The following DPP6 variants were observed in gnomAD, a reference collection of about 807,000 sequenced individuals.
DPP6 encodes the protein dipeptidyl peptidase like 6.
DPP6 carries 69 observed loss-of-function variants against 122.6 expected under a neutral mutation model. The ratio of observed to expected loss-of-function variants is 0.56; its 90% CI spans 0.46 to 0.69. The LOEUF is 0.69. Ranked by LOEUF, DPP6 falls within the 30% of genes least tolerant of loss-of-function variation. The probability of loss-of-function intolerance (pLI) is 0.00; values close to 1 mark genes in which losing one functional copy is unlikely to be tolerated. For synonymous variants in DPP6, 418 were observed against 433.1 expected, an observed-to-expected ratio of 0.97 and a Z score of 0.43; for missense variants, 928 against 1,116.9, an observed-to-expected ratio of 0.83 and a Z score of 2.41.
intron 1 of DPP6, among the ~76,000 whole-genome samples, chr7:154,097,335 T>C (rs1208714114): frequency 6.6e-6 from 1 of 152,236 alleles, no homozygotes; most frequent in Non-Finnish European, 1.5e-5. Context: ...GCAGCAGCAA[T>C]GATCGCTTAT....
intron 1 of DPP6, among the ~76,000 whole-genome samples, chr7:154,359,271 T>A (rs1563541391): frequency 6.6e-6 from 1 of 152,178 alleles, no homozygotes; most frequent in Non-Finnish European, 1.5e-5. Flanking sequence ...GGCATTCATT[T>A]AGTTAGTATT....
intron 12 of DPP6, among the ~76,000 whole-genome samples, chr7:154,798,506 T>G (rs1563222189): frequency 6.6e-6 from 1 of 152,266 alleles, no homozygotes; most frequent in Non-Finnish European, 1.5e-5. Context: ...CACAGCTAAA[T>G]TTTTAAAATA....
In DPP6 at chr7:154,892,397, A is replaced by G; in HGVS notation, c.2515A>G (p.Ile839Val). The change falls in exon 26 of 26, where the codon ATC becomes GTC. Residue 839 changes from isoleucine (I) to valine (V), a missense_variant. Ile to Val is a conservative substitution (Grantham distance 29, BLOSUM62 3). Coordinates refer to ENST00000377770, the MANE Select transcript of DPP6 (RefSeq NM_130797.4). ...CCTCAAACAGCATCTGTACCGGTCC[A>G]TCATCAACTTCTTCGTGGAATGCTT... ...SSLKQHLYRSIINFFVECFRI... is the reference protein window; with the variant it reads ...SSLKQHLYRSVINFFVECFRI... The G allele has an allele frequency of 6.2e-7, 1 of 1,614,036 alleles. No homozygotes were observed. Among genetic ancestry groups the G allele is most frequent in the Non-Finnish European group, 8.5e-7 (1 of 1,179,900 alleles).
At chr7:153,829,162 A>G in the DPP6 span, among the ~76,000 whole-genome samples, 1 of 152,148 alleles carries the variant, frequency 6.6e-6, no homozygotes, top group Admixed American at 6.5e-5. Flanking sequence ...AAAACACTCA[A>G]AGTCTTTCCT....
intron 1 of DPP6, among the ~76,000 whole-genome samples, chr7:154,300,788 G>A (rs1301630152): frequency 6.6e-6 from 1 of 152,192 alleles, no homozygotes; most frequent in Admixed American, 6.5e-5. Context: ...CCTCATAAAT[G>A]AAATGGGGAT....
the DPP6 span, among the ~76,000 whole-genome samples, chr7:153,848,160 C>A: frequency 6.6e-6 from 1 of 152,124 alleles, no homozygotes; most frequent in East Asian, 1.9e-4. Flanking sequence ...GACAAGCTAG[C>A]GCTGAGGGCA....
rs372842502 is a variant in DPP6 at position 154,080,587 on chromosome 7, A to G, written c.243+27524A>G. On this transcript the variant is annotated intron_variant, in intron 1 of 25. Transcript: ENST00000377770. ...ACATATGCTTTTCCCTATGGTAGAT[A>G]AGCCTTGGGTCTGGGAGTAAGAGTG... Among the ~76,000 whole-genome samples the G allele has an allele frequency of 1.1e-4, 17 of 152,292 alleles. No individual in the cohort carries two copies. The South Asian group carries it at 3.3e-3, about 30-fold the overall frequency.
At chr7:153,967,487 C>G (rs1422753020) in intron 1 of DPP6, among the ~76,000 whole-genome samples, 1 of 152,160 alleles carries the variant, frequency 6.6e-6, no homozygotes, top group Non-Finnish European at 1.5e-5. Context: ...AATTACCAAG[C>G]CTGCCTTGTA....
intron 1 of DPP6, among the ~76,000 whole-genome samples, chr7:153,962,304 T>C (rs1795393140): frequency 6.6e-6 from 1 of 152,214 alleles, no homozygotes; most frequent in Admixed American, 6.5e-5. Context: ...TATTTGATAC[T>C]GTCTGCAGAA....
At chr7:154,729,670 A>G (rs749156556) in intron 8 of DPP6, among the ~76,000 whole-genome samples, 1 of 152,188 alleles carries the variant, frequency 6.6e-6, no homozygotes, top group Non-Finnish European at 1.5e-5. Context: ...TAAGCAGCCC[A>G]TTCTCTAACA....
chr7:154,182,550 CAT>C (rs1312699290), intron 1 of DPP6, among the ~76,000 whole-genome samples: 1 of 152,184 alleles, frequency 6.6e-6, no homozygotes, highest in Non-Finnish European at 1.5e-5. Context: ...GATAATGTAA[CAT>C]GTGCCCGGGG....
At chr7:154,260,673 A>G (rs566899802) in intron 1 of DPP6, among the ~76,000 whole-genome samples, 187 of 147,634 alleles carry the variant, frequency 1.3e-3, no homozygotes, top group African/African-American at 4.4e-3. Flanking sequence ...TCGTATATAT[A>G]TATAATACAT....
At chr7:153,983,644 G>C (rs374675885) in intron 1 of DPP6, among the ~76,000 whole-genome samples, 36 of 151,726 alleles carry the variant, frequency 2.4e-4, no homozygotes, top group African/African-American at 8.4e-4. Flanking sequence ...TGGCCACCCA[G>C]TTTTGTGCTT....
At chr7:154,347,162 A>C (rs1297701705) in intron 1 of DPP6, among the ~76,000 whole-genome samples, 2 of 152,242 alleles carry the variant, frequency 1.3e-5, no homozygotes, top group Non-Finnish European at 2.9e-5. Flanking sequence ...TGTAACGTAC[A>C]GGAGACCTGT....
At chr7:154,574,779 A>ATG (rs1313130628) in intron 5 of DPP6, among the ~76,000 whole-genome samples, 7,708 of 81,316 alleles carry the variant, frequency 0.095, 283 homozygotes, top group East Asian at 0.28. Context: ...TGTGGTGCAT[A>ATG]TGTGTGTGTG....
chr7:154,476,217 G>A (rs990067656), intron 3 of DPP6, among the ~76,000 whole-genome samples: 3 of 152,152 alleles, frequency 2.0e-5, no homozygotes, highest in African/African-American at 7.2e-5. Context: ...AAAGTAGGTG[G>A]ATCTCAGAGG....
chr7:153,837,533 C>T, the DPP6 span, among the ~76,000 whole-genome samples: 1 of 152,166 alleles, frequency 6.6e-6, no homozygotes, highest in Admixed American at 6.5e-5. Flanking sequence ...GCTACCTTTC[C>T]AGGAAACCTG....
chr7:154,684,273 T>C (rs940996258), intron 7 of DPP6, among the ~76,000 whole-genome samples: 1 of 152,024 alleles, frequency 6.6e-6, no homozygotes, highest in Admixed American at 6.6e-5. Flanking sequence ...CATTGCCTTA[T>C]CACCACACTC....
rs1441091213 is a variant in DPP6 at position 154,029,976 on chromosome 7, A to G, written c.51+142242A>G. ...TTTGGGAAGCTGAGGGGGGCAGATC[A>G]CTTGAGGCCAGGTGTTTGAAACCAG... On this transcript the variant is annotated intron_variant, in intron 1 of 25. Transcript: ENST00000404039. Among the ~76,000 whole-genome samples the G allele has an allele frequency of 5.9e-5, 9 of 152,336 alleles. No individual in the cohort carries two copies. The South Asian group carries it at 1.9e-3, about 32-fold the overall frequency.
Sources: gnomAD v4.1 joint callset for allele counts (sites outside exome capture counted in the v4.1 genomes callset) on GRCh38, gnomAD v4.1.1 for gene constraint, MANE v1.5 for transcripts, NCBI Gene and HGNC (gene_info 2026-07-23, HGNC 2026-07-21) for gene names.